The following MALT1 variants were observed in gnomAD, a reference collection of about 807,000 sequenced individuals.
The protein encoded by MALT1 is MALT1 paracaspase.
MALT1 carries 36 observed loss-of-function variants against 85.5 expected under a neutral mutation model. The observed-to-expected ratio is 0.42, with a 90% CI of 0.32 to 0.56. The LOEUF is 0.56. MALT1 is among the 20% of genes least tolerant of loss of function. The pLI, the probability that MALT1 is intolerant of heterozygous loss-of-function variation, is 0.10. For missense variants in MALT1, 716 were observed against 981.6 expected, an observed-to-expected ratio of 0.73 and a Z score of 3.62; for synonymous variants, 359 against 361.3, an observed-to-expected ratio of 0.99 and a Z score of 0.07.
chr18:58,722,172 C>T (rs2054994068), intron 9 of MALT1, among the ~76,000 whole-genome samples: 1 of 151,306 alleles, frequency 6.6e-6, no homozygotes, highest in African/African-American at 2.4e-5. Flanking sequence ...AACCATTGAC[C>T]CCATTCCAGG....
intron 14 of MALT1, 131 bp downstream of exon 14, chr18:58,742,145 CCAAA>C (rs1487264055): frequency 1.2e-5 from 6 of 519,226 alleles, no homozygotes; most frequent in African/African-American, 9.8e-5. Context: ...AAATCTCAAA[CCAAA>C]CAAATATTTC....
At position 58,671,817 on chromosome 18, in the gene MALT1, G is replaced by A. The variant is rs1373374971; in HGVS notation, c.174G>A (p.Ala58=). Residue 58 remains alanine, a synonymous_variant, in exon 1 of 17, where the codon GCG becomes GCA. Coordinates refer to ENST00000649217, the MANE Select transcript of MALT1 (RefSeq NM_006785.4). The part of the protein sequence containing the change: ...APEGRGWRRL[A]ELAGSRGRLR... The stretch of plus-strand genomic sequence containing the variant: ...AGGGCCGGGGCTGGAGGAGACTGGC[G>A]GAGCTGGCGGGGAGTCGCGGGCGCC... 4 of 1,235,110 alleles carry A rather than the reference G, an allele frequency of 3.2e-6. No homozygotes were observed. The highest frequency in any genetic ancestry group is 7.1e-5 in the South Asian group (2 of 28,310). The allele number at this position is 1,235,110 out of a possible 1,614,324, so 76.5% of individuals were successfully genotyped here.
chr18:58,674,557 G>A (rs773925474), intron 1 of MALT1, among the ~76,000 whole-genome samples: 1 of 152,290 alleles, frequency 6.6e-6, no homozygotes, highest in South Asian at 2.1e-4. Flanking sequence ...GAATTAAACG[G>A]ACTTTTTTTC....
intron 2 of MALT1, among the ~76,000 whole-genome samples, chr18:58,693,746 A>C (rs956942975): frequency 1.3e-5 from 2 of 152,200 alleles, no homozygotes; most frequent in African/African-American, 2.4e-5. Flanking sequence ...TGAGATGGGG[A>C]AACTGTGGGG....
intron 2 of MALT1, among the ~76,000 whole-genome samples, chr18:58,689,828 C>T (rs1008327679): frequency 6.6e-6 from 1 of 152,026 alleles, no homozygotes; most frequent in Non-Finnish European, 1.5e-5. Context: ...GATGGCAAAG[C>T]GGAGCTTGTG....
rs756704840 is a variant in MALT1 at position 58,696,438 on chromosome 18, C to T, written c.449C>T (p.Ala150Val). The change falls in exon 3 of 17, where the codon GCA (alanine) becomes GTA (valine). Residue 150 changes from alanine (A) to valine (V), a missense_variant. This residue lies in a region of MALT1 where 290 missense variants were observed against 380.5 expected (regional missense o/e 0.76). Transcript: ENST00000649217. The stretch of plus-strand genomic sequence containing the variant: ...CAGTTTGTGAAACTGTGTTGCCGGG[C>T]AACTGGACATCCTTTTGTTCAATAT... The part of the protein sequence containing the change: ...AGQFVKLCCR[A>V]TGHPFVQYQW... 4.4e-6 allele frequency: 7 copies of T among 1,593,338 alleles called. No homozygotes were observed. Among genetic ancestry groups the T allele is most frequent in the Non-Finnish European group, 6.0e-6 (7 of 1,171,390 alleles).
At chr18:58,741,693 A>G (rs2055303666) in intron 13 of MALT1, 172 bp from the exon 14 acceptor site, 1 of 435,278 alleles carries the variant, frequency 2.3e-6, no homozygotes, top group East Asian at 3.2e-5. Context: ...ATGAGTAAAA[A>G]TTAAAACATG....
chr18:58,682,815 A>G (rs2054341819), intron 2 of MALT1, among the ~76,000 whole-genome samples: 1 of 152,100 alleles, frequency 6.6e-6, no homozygotes, highest in African/African-American at 2.4e-5. Flanking sequence ...GGAGACTTGG[A>G]CTCCCAATCA....
chr18:58,710,510 T>C (rs930240135), intron 6 of MALT1, among the ~76,000 whole-genome samples: 1 of 151,986 alleles, frequency 6.6e-6, no homozygotes, highest in Admixed American at 6.6e-5. Flanking sequence ...CATAGTGAGA[T>C]TCCATCTCTA....
At chr18:58,694,211 T>C (rs550276637) in intron 2 of MALT1, among the ~76,000 whole-genome samples, 3 of 152,366 alleles carry the variant, frequency 2.0e-5, no homozygotes, top group Non-Finnish European at 2.9e-5. Flanking sequence ...CTATATTTAC[T>C]AAAGATTTTC....
At chr18:58,703,606 A>C (rs2054705245) in intron 4 of MALT1, among the ~76,000 whole-genome samples, 1 of 152,094 alleles carries the variant, frequency 6.6e-6, no homozygotes, top group Non-Finnish European at 1.5e-5. Context: ...AAACAGGGGA[A>C]ATGCCAGACA....
intron 15 of MALT1, 28 bp from the exon 16 acceptor site, chr18:58,745,638 T>C: frequency 6.3e-7 from 1 of 1,583,838 alleles, no homozygotes; most frequent in Non-Finnish European, 8.7e-7. Flanking sequence ...ATTTCATTAT[T>C]AACAGTCCCT....
intron 2 of MALT1, chr18:58,691,188 G>A: frequency 3.4e-6 from 1 of 297,310 alleles, no homozygotes; most frequent in South Asian, 2.8e-5. Flanking sequence ...CCCCACTACT[G>A]ATCTTCAGGA....
Position 58,718,059 on chromosome 18 carries a change from A to G in MALT1, c.1018+2092A>G, listed in dbSNP as rs73961673. On this transcript the variant is annotated intron_variant, in intron 9 of 16. Transcript: ENST00000649217. ...AGTGTTTTCACCTAGTGAAATGTTT[A>G]ATTTAACCCTGAGATGTAGGTATTT... Among the ~76,000 whole-genome samples the G allele has an allele frequency of 9.8e-3, 1,491 of 152,298 alleles. 25 individuals carry two copies. The highest frequency in any genetic ancestry group is 0.033 in the African/African-American group (1,389 of 41,562).
Position 58,749,807 on chromosome 18 carries a change from A to G in MALT1, c.*1965A>G, listed in dbSNP as rs2055422323. 9.5e-6 allele frequency: 2 copies of G among 211,456 alleles called. No homozygotes were observed. Among genetic ancestry groups the G allele is most frequent in the Admixed American group, 1.2e-4 (2 of 16,970 alleles). The allele number at this position is 211,456 out of a possible 1,614,324, so 13.1% of individuals were successfully genotyped here. The stretch of plus-strand genomic sequence containing the variant: ...AGGAATAAAAGGAATCTTCCTAGAT[A>G]TGATAAATATAACATCTATGAAAAG... On this transcript the variant is annotated 3_prime_UTR_variant, in exon 17 of 17. Coordinates refer to ENST00000649217, the MANE Select transcript of MALT1 (RefSeq NM_006785.4).
intron 2 of MALT1, among the ~76,000 whole-genome samples, chr18:58,687,426 A>C (rs982442512): frequency 6.6e-6 from 1 of 152,330 alleles, no homozygotes; most frequent in East Asian, 1.9e-4. Flanking sequence ...ATATGTGGAC[A>C]TACTTTGTGT....
chr18:58,723,522 T>C (rs1159435945), intron 10 of MALT1, among the ~76,000 whole-genome samples: 9 of 152,178 alleles, frequency 5.9e-5, no homozygotes, highest in Admixed American at 5.9e-4. Flanking sequence ...TTTTAATTGA[T>C]AGAGCCACAG....
intron 13 of MALT1, among the ~76,000 whole-genome samples, chr18:58,736,290 C>A (rs2055219980): frequency 6.6e-6 from 1 of 152,094 alleles, no homozygotes; most frequent in African/African-American, 2.4e-5. Context: ...TTTTAGATCA[C>A]TTGACTTAGC....
chr18:58,678,029 A>C (rs2054266294), intron 1 of MALT1, among the ~76,000 whole-genome samples: 2 of 152,194 alleles, frequency 1.3e-5, no homozygotes, highest in Admixed American at 6.5e-5. Flanking sequence ...ATAAGAGCTA[A>C]CCTTTATTGA....
Sources: gnomAD v4.1 joint callset for allele counts (sites outside exome capture counted in the v4.1 genomes callset) on GRCh38, gnomAD v4.1.1 for gene constraint, gnomAD v4.1.1 regional missense constraint, MANE v1.5 for transcripts, NCBI Gene and HGNC (gene_info 2026-07-23, HGNC 2026-07-21) for gene names.